The following PDE1C variants were observed in gnomAD, a reference collection of about 807,000 sequenced individuals.
PDE1C encodes the protein phosphodiesterase 1C.
Under a neutral mutation model 93.1 loss-of-function variants are expected in PDE1C, and 62 were observed. That is an observed-to-expected ratio of 0.67 (90% CI 0.54 to 0.82). PDE1C has a LOEUF of 0.82. Ranked by LOEUF, PDE1C falls within the 40% of genes least tolerant of loss-of-function variation. The pLI, the probability that PDE1C is intolerant of heterozygous loss-of-function variation, is 0.00. For missense variants in PDE1C, 742 were observed against 884.6 expected, an observed-to-expected ratio of 0.84 and a Z score of 2.04; for synonymous variants, 325 against 310.1, an observed-to-expected ratio of 1.05 and a Z score of -0.50.
At chr7:31,807,208 A>G (rs1023552123) in intron 16 of PDE1C, among the ~76,000 whole-genome samples, 1 of 151,956 alleles carries the variant, frequency 6.6e-6, no homozygotes, top group African/African-American at 2.4e-5. Context: ...TTCCAAGTAT[A>G]CAGACACACC....
chr7:31,711,694 G>A, the PDE1C span, among the ~76,000 whole-genome samples: 3 of 152,048 alleles, frequency 2.0e-5, no homozygotes, highest in African/African-American at 7.2e-5. Flanking sequence ...TCAATCCTAC[G>A]TTTTAAGGAG....
chr7:32,310,180 C>A (rs962185917), intron 1 of PDE1C, among the ~76,000 whole-genome samples: 1 of 151,858 alleles, frequency 6.6e-6, no homozygotes, highest in African/African-American at 2.4e-5. Flanking sequence ...GTAAAGGGAT[C>A]AATTCAACAA....
At chr7:32,425,345 CCT>C (rs759068966) in intron 1 of PDE1C, among the ~76,000 whole-genome samples, 3 of 152,072 alleles carry the variant, frequency 2.0e-5, no homozygotes, top group Non-Finnish European at 4.4e-5. Context: ...CCTAAACCCA[CCT>C]CTCTTCAAAG....
chr7:31,926,514 A>G (rs1430153499), intron 2 of PDE1C, among the ~76,000 whole-genome samples: 2 of 152,216 alleles, frequency 1.3e-5, no homozygotes, highest in Admixed American at 1.3e-4. Context: ...GCCAAATAGG[A>G]ACAGCTCCGG....
In PDE1C at chr7:31,865,025, G is replaced by A. The variant is rs1260056724; in HGVS notation, c.667C>T (p.His223Tyr). Residue 223 changes from histidine (H) to tyrosine (Y), a missense_variant, in exon 7 of 18, where the codon CAC (histidine) becomes TAC (tyrosine). This residue lies in a region of PDE1C where 205 missense variants were observed against 295.3 expected (regional missense o/e 0.69). Coordinates refer to ENST00000396191, the MANE Select transcript of PDE1C (RefSeq NM_001191057.4). ...VEALEVGYSK[H>Y]KNPYHNLMHA... Reference sequence around the variant, plus strand: ...ATTAAGTTATGGTAAGGATTTTTGTGCTTGCTGTATCCCACTTCCAGGGCC... The same window carrying A: ...ATTAAGTTATGGTAAGGATTTTTGTACTTGCTGTATCCCACTTCCAGGGCC... 8.1e-6 allele frequency: 13 copies of A among 1,613,956 alleles called. No homozygotes were observed. Among genetic ancestry groups the A allele is most frequent in the Admixed American group, 1.7e-5 (1 of 60,002 alleles).
At chr7:31,861,714 A>G (rs1794719315) in intron 7 of PDE1C, among the ~76,000 whole-genome samples, 1 of 152,102 alleles carries the variant, frequency 6.6e-6, no homozygotes, top group Non-Finnish European at 1.5e-5. Context: ...TCCCAGCAGC[A>G]TCCTTCCTAG....
In PDE1C at chr7:31,879,257, C is replaced by T; in HGVS notation, c.243-79G>A. The T allele has an allele frequency of 2.2e-6, 3 of 1,369,004 alleles. No individual in the cohort carries two copies. In the South Asian group the frequency reaches 4.1e-5, roughly 18 times the overall value. 84.8% of individuals were successfully genotyped at this position (1,369,004 alleles called of 1,614,324 possible). A position where few individuals can be genotyped will look rare whatever the true frequency, so the allele number is the denominator to read the frequency against. On this transcript the variant is annotated intron_variant, in intron 3 of 17. Transcript: ENST00000396191. The stretch of plus-strand genomic sequence containing the variant: ...CTCTGTTCAAAGCAGCTGCTCCTCT[C>T]TGCCTCACCTGCATGTTAGGTGCAA...
At chr7:31,991,947 G>A (rs1204337101) in intron 2 of PDE1C, among the ~76,000 whole-genome samples, 1 of 152,206 alleles carries the variant, frequency 6.6e-6, no homozygotes, top group Non-Finnish European at 1.5e-5. Flanking sequence ...CAAAGCTATT[G>A]TTTTTAGCTG....
chr7:32,135,689 G>C (rs1304177321), intron 3 of PDE1C, among the ~76,000 whole-genome samples: 2 of 152,140 alleles, frequency 1.3e-5, no homozygotes, highest in East Asian at 3.9e-4. Flanking sequence ...CAGCCATTAT[G>C]AAAAACAGTA....
the PDE1C span, among the ~76,000 whole-genome samples, chr7:31,629,463 G>A: frequency 6.6e-6 from 1 of 152,142 alleles, no homozygotes; most frequent in African/African-American, 2.4e-5. Flanking sequence ...TGTAGGGAGG[G>A]GGAATAGAAA....
At chr7:32,257,057 T>G (rs1441025322) in intron 1 of PDE1C, among the ~76,000 whole-genome samples, 1 of 152,224 alleles carries the variant, frequency 6.6e-6, no homozygotes, top group East Asian at 1.9e-4. Flanking sequence ...ATCAGGCAGC[T>G]GCTAGGATTA....
intron 1 of PDE1C, among the ~76,000 whole-genome samples, chr7:32,424,110 T>C (rs1157542951): frequency 6.6e-6 from 1 of 152,230 alleles, no homozygotes; most frequent in East Asian, 1.9e-4. Flanking sequence ...TTTCCACTAG[T>C]GAGATCTGAA....
chr7:31,804,547 ATTTCTTT>A (rs2128699489), intron 16 of PDE1C, among the ~76,000 whole-genome samples: 1 of 151,950 alleles, frequency 6.6e-6, no homozygotes, highest in Non-Finnish European at 1.5e-5. Flanking sequence ...TTACACACAC[ATTTCTTT>A]TTTCTTCTTC....
At chr7:31,690,391 C>T in the PDE1C span, among the ~76,000 whole-genome samples, 5 of 152,302 alleles carry the variant, frequency 3.3e-5, no homozygotes, top group African/African-American at 1.2e-4. Context: ...TCAGGGTAAG[C>T]TCGGGGGACA....
At chr7:32,005,353 G>A (rs6968096) in intron 2 of PDE1C, among the ~76,000 whole-genome samples, 2,057 of 151,870 alleles carry the variant, frequency 0.014, 46 homozygotes, top group African/African-American at 0.047. Context: ...TCAGGAGATC[G>A]AGACCATCCT....
At chr7:31,669,119 A>G in the PDE1C span, among the ~76,000 whole-genome samples, 1 of 152,178 alleles carries the variant, frequency 6.6e-6, no homozygotes, top group Admixed American at 6.5e-5. Flanking sequence ...GATGTGACGC[A>G]TTTTAAGAGT....
At chr7:32,022,200 G>A (rs1385035328) in intron 2 of PDE1C, among the ~76,000 whole-genome samples, 1 of 151,942 alleles carries the variant, frequency 6.6e-6, no homozygotes, top group African/African-American at 2.4e-5. Flanking sequence ...AGAAGGGAGG[G>A]AAGGAGAGAA....
intron 2 of PDE1C, among the ~76,000 whole-genome samples, chr7:31,969,490 C>T (rs1810576278): frequency 6.6e-6 from 1 of 152,094 alleles, no homozygotes; most frequent in Non-Finnish European, 1.5e-5. Context: ...AGTCAGGAAA[C>T]AACAGGTGCT....
chr7:31,740,761 C>T, the PDE1C span, among the ~76,000 whole-genome samples: 1 of 152,132 alleles, frequency 6.6e-6, no homozygotes, highest in Non-Finnish European at 1.5e-5. Flanking sequence ...AAATGCCTCA[C>T]TATCTCATCA....
Sources: allele counts gnomAD v4.1 joint callset (sites outside exome capture counted in the v4.1 genomes callset), GRCh38; gene constraint gnomAD v4.1.1; regional missense constraint gnomAD v4.1.1; transcripts MANE v1.5; gene names NCBI Gene and HGNC (gene_info 2026-07-23, HGNC 2026-07-21).